KIAA1549L: variants seen among roughly 807,000 people sequenced by gnomAD.
The protein encoded by KIAA1549L is UPF0606 protein KIAA1549L.
KIAA1549L carries 88 observed loss-of-function variants against 160.7 expected under a neutral mutation model. The ratio of observed to expected loss-of-function variants is 0.55; its 90% CI spans 0.46 to 0.65. KIAA1549L has a LOEUF of 0.65. Ranked by LOEUF, KIAA1549L falls within the 30% of genes least tolerant of loss-of-function variation. The probability of loss-of-function intolerance (pLI) is 0.00; values close to 1 mark genes in which losing one functional copy is unlikely to be tolerated. For missense variants in KIAA1549L, 2,258 were observed against 2,437.5 expected (o/e 0.93, Z 1.55); for synonymous variants, 950 against 976.7 (o/e 0.97, Z 0.51).
At chr11:33,666,763 G>A (rs572766548) in intron 20 of KIAA1549L, among the ~76,000 whole-genome samples, 2 of 152,314 alleles carry the variant, frequency 1.3e-5, no homozygotes, top group East Asian at 3.9e-4. Context: ...GATCCAAGAC[G>A]TTGTAATGCA....
intron 4 of KIAA1549L, among the ~76,000 whole-genome samples, chr11:33,549,580 A>G (rs1242583939): frequency 6.6e-6 from 1 of 152,202 alleles, no homozygotes; most frequent in Non-Finnish European, 1.5e-5. Context: ...CACCATCTTC[A>G]TGAAAAACTG....
chr11:33,464,956 G>A (rs988876630), intron 1 of KIAA1549L, among the ~76,000 whole-genome samples: 1 of 151,614 alleles, frequency 6.6e-6, no homozygotes, highest in African/African-American at 2.4e-5. Context: ...AACATGCCTT[G>A]GGTCTCTGAG....
At chr11:33,413,146 T>A (rs1457125398) in intron 1 of KIAA1549L, among the ~76,000 whole-genome samples, 1 of 152,172 alleles carries the variant, frequency 6.6e-6, no homozygotes, top group Non-Finnish European at 1.5e-5. Context: ...GATACCTGCT[T>A]CCTGAGATAA....
chr11:33,430,568 T>G (rs1393202510), intron 1 of KIAA1549L, among the ~76,000 whole-genome samples: 1 of 152,234 alleles, frequency 6.6e-6, no homozygotes, highest in Non-Finnish European at 1.5e-5. Context: ...GTTTCATTTT[T>G]ATAAGCAAAG....
intron 1 of KIAA1549L, among the ~76,000 whole-genome samples, chr11:33,411,388 TG>T (rs1172455936): frequency 3.9e-5 from 6 of 152,126 alleles, no homozygotes; most frequent in African/African-American, 1.4e-4. Flanking sequence ...AGCTGATCCC[TG>T]GGGCAGCCTG....
chr11:33,642,842 C>G (rs1851623956), intron 16 of KIAA1549L, among the ~76,000 whole-genome samples: 1 of 152,202 alleles, frequency 6.6e-6, no homozygotes, highest in South Asian at 2.1e-4. Context: ...TTTAGAACTT[C>G]TATCTATCTA....
intron 9 of KIAA1549L, among the ~76,000 whole-genome samples, chr11:33,569,254 C>T (rs1855159385): frequency 6.6e-6 from 1 of 152,156 alleles, no homozygotes; most frequent in Non-Finnish European, 1.5e-5. Context: ...GTATTCTAGC[C>T]AGGTCTGCTT....
chr11:33,485,238 C>A (rs918086936), intron 1 of KIAA1549L, among the ~76,000 whole-genome samples: 2 of 152,248 alleles, frequency 1.3e-5, no homozygotes, highest in East Asian at 1.9e-4. Context: ...CCTTTCGAGT[C>A]CCAAAATTTT....
chr11:33,394,390 ATAAT>A (rs1484587315), intron 1 of KIAA1549L, among the ~76,000 whole-genome samples: 7 of 91,030 alleles, frequency 7.7e-5, no homozygotes, highest in Admixed American at 1.3e-4. Flanking sequence ...TAACTCATAA[ATAAT>A]AAATAAATAA....
intron 1 of KIAA1549L, among the ~76,000 whole-genome samples, chr11:33,519,236 G>T (rs898940928): frequency 1.8e-4 from 28 of 152,052 alleles, no homozygotes; most frequent in Non-Finnish European, 3.8e-4. Context: ...TTAATTTAGT[G>T]TTAAATTATT....
At chr11:33,383,940 A>G (rs1330916449) in intron 1 of KIAA1549L, among the ~76,000 whole-genome samples, 1 of 152,242 alleles carries the variant, frequency 6.6e-6, no homozygotes, top group Non-Finnish European at 1.5e-5. Flanking sequence ...CTCATCAGCC[A>G]CCATCTTTTT....
At chr11:33,435,382 G>A (rs1851331837) in intron 1 of KIAA1549L, among the ~76,000 whole-genome samples, 1 of 152,058 alleles carries the variant, frequency 6.6e-6, no homozygotes, top group Non-Finnish European at 1.5e-5. Flanking sequence ...AAATGAGAAA[G>A]CAAGTGGGGC....
At chr11:33,568,350 AT>A in intron 9 of KIAA1549L, 123 bp downstream of exon 9, 1 of 881,060 alleles carries the variant, frequency 1.1e-6, no homozygotes, top group Non-Finnish European at 1.6e-6. Context: ...TGACTAAGCC[AT>A]TTTATCAAGG....
chr11:33,578,313 ACT>A (rs1226115377), intron 10 of KIAA1549L, among the ~76,000 whole-genome samples: 4 of 151,536 alleles, frequency 2.6e-5, no homozygotes, highest in East Asian at 1.9e-4. Context: ...CGAGATTCAA[ACT>A]CTGTTTGGCC....
chr11:33,389,896 A>T (rs1439499863), intron 1 of KIAA1549L, among the ~76,000 whole-genome samples: 4 of 152,180 alleles, frequency 2.6e-5, no homozygotes, highest in Admixed American at 2.6e-4. Flanking sequence ...GATTCAGGGG[A>T]CAGATCACCT....
intron 1 of KIAA1549L, among the ~76,000 whole-genome samples, chr11:33,516,136 A>ATT: frequency 1.9e-5 from 1 of 53,818 alleles, no homozygotes; most frequent in Non-Finnish European, 3.1e-5. Flanking sequence ...GCTGGAGGTG[A>ATT]TTCTTTTTTT....
At chr11:33,406,709 G>A (rs2615919) in intron 1 of KIAA1549L, among the ~76,000 whole-genome samples, 1 of 152,052 alleles carries the variant, frequency 6.6e-6, no homozygotes, top group Non-Finnish European at 1.5e-5. Context: ...AGGGATCAGC[G>A]CTCACTGCAT....
intron 1 of KIAA1549L, among the ~76,000 whole-genome samples, chr11:33,426,721 C>A (rs973181868): frequency 1.3e-5 from 2 of 152,164 alleles, no homozygotes; most frequent in Non-Finnish European, 2.9e-5. Flanking sequence ...TAGGATACAT[C>A]TCAGAGAGAT....
intron 13 of KIAA1549L, among the ~76,000 whole-genome samples, chr11:33,605,997 TC>T (rs1850489221): frequency 6.6e-6 from 1 of 152,184 alleles, no homozygotes; most frequent in South Asian, 2.1e-4. Flanking sequence ...TAGGTAGAAA[TC>T]CTTCTACTTA....
Sources: gnomAD v4.1 joint callset for allele counts (sites outside exome capture counted in the v4.1 genomes callset) on GRCh38, gnomAD v4.1.1 for gene constraint, MANE v1.5 for transcripts, NCBI Gene and HGNC (gene_info 2026-07-23, HGNC 2026-07-21) for gene names.